The following R3HCC1L variants were observed in gnomAD, a reference collection of about 807,000 sequenced individuals.
R3HCC1L encodes coiled-coil domain-containing protein R3HCC1L.
A neutral mutation model predicts 59.9 loss-of-function variants in R3HCC1L; 51 were observed. The ratio of observed to expected loss-of-function variants is 0.85; its 90% CI spans 0.68 to 1.07. R3HCC1L has a LOEUF of 1.07. Among genes scored for constraint, R3HCC1L ranks in the 50% least tolerant of loss-of-function variants. R3HCC1L has a pLI of 0.00. For missense variants in R3HCC1L, 965 were observed against 933.0 expected, an observed-to-expected ratio of 1.03 and a Z score of -0.45; for synonymous variants, 322 against 315.2, an observed-to-expected ratio of 1.02 and a Z score of -0.23.
chr10:98,146,644 C>T (rs2133941435), intron 1 of R3HCC1L, among the ~76,000 whole-genome samples: 1 of 152,306 alleles, frequency 6.6e-6, no homozygotes, highest in Non-Finnish European at 1.5e-5. Flanking sequence ...GACAGGATAT[C>T]ATTCTTTAAA....
Position 98,209,588 on chromosome 10 carries a change from A to C in R3HCC1L, c.1474A>C (p.Ser492Arg). The change falls in exon 5 of 10, where the codon AGT (serine) becomes CGT (arginine). Residue 492 changes from serine to arginine, a missense_variant. Ser to Arg is a moderately radical substitution (Grantham distance 110, BLOSUM62 -1). Transcript: ENST00000298999. ...NYNTFLDSELSMLNGTKVLSD... is the reference protein window; with the variant it reads ...NYNTFLDSELRMLNGTKVLSD... ...TAACACTTTTTTGGACTCTGAACTCAGTATGTTAAATGGGACAAAAGTTCT... is the reference window on the plus strand; with the variant it reads ...TAACACTTTTTTGGACTCTGAACTCCGTATGTTAAATGGGACAAAAGTTCT... 1 of 1,614,034 alleles carries C rather than the reference A, an allele frequency of 6.2e-7. No homozygotes were observed.
chr10:98,244,347 T>C lies in R3HCC1L; in HGVS notation c.*189T>C, dbSNP rs1857880941. Reference sequence around the variant, plus strand: ...GTCTTCACTCCTAAATGCAGTTCTTTGGAATCACCCTACTGTGGTGGGCGT... The same window carrying C: ...GTCTTCACTCCTAAATGCAGTTCTTCGGAATCACCCTACTGTGGTGGGCGT... On this transcript the variant is annotated 3_prime_UTR_variant, in exon 10 of 10. Transcript: ENST00000298999. 1.9e-6 allele frequency: 1 copy of C among 532,624 alleles called. No homozygotes were observed. Among genetic ancestry groups the C allele is most frequent in the Non-Finnish European group, 3.3e-6 (1 of 299,980 alleles). 33.0% of individuals were successfully genotyped at this position (532,624 alleles called of 1,614,324 possible).
At chr10:98,180,250 T>C (rs1413741651) in intron 4 of R3HCC1L, among the ~76,000 whole-genome samples, 1 of 152,222 alleles carries the variant, frequency 6.6e-6, no homozygotes, top group South Asian at 2.1e-4. Flanking sequence ...GATTCTGGTA[T>C]GTTGTGTTTT....
chr10:98,193,551 C>T (rs4919183), intron 4 of R3HCC1L, among the ~76,000 whole-genome samples: 48,631 of 151,732 alleles, frequency 0.32, 7,969 homozygotes, highest in East Asian at 0.49. Flanking sequence ...TAAACTTAAT[C>T]GAGGGGAGAA....
At chr10:98,194,573 AT>A (rs1361877778) in intron 4 of R3HCC1L, among the ~76,000 whole-genome samples, 1 of 152,198 alleles carries the variant, frequency 6.6e-6, no homozygotes, top group Non-Finnish European at 1.5e-5. Context: ...TTTGTAAACC[AT>A]ATATTAGACT....
intron 4 of R3HCC1L, chr10:98,186,386 C>T (rs1850223794): frequency 3.6e-6 from 2 of 548,046 alleles, no homozygotes. Context: ...AAATAGCATA[C>T]AATTGATCTT....
intron 5 of R3HCC1L, among the ~76,000 whole-genome samples, chr10:98,215,610 A>T (rs1299906728): frequency 6.6e-6 from 1 of 152,180 alleles, no homozygotes; most frequent in Non-Finnish European, 1.5e-5. Context: ...GAATACATAA[A>T]AGAACCAAAA....
chr10:98,160,917 G>A (rs1371286116), intron 2 of R3HCC1L, among the ~76,000 whole-genome samples: 3 of 152,080 alleles, frequency 2.0e-5, no homozygotes, highest in African/African-American at 7.2e-5. Context: ...TACACAAAAG[G>A]TAGCATACTA....
chr10:98,192,430 T>C (rs1250444595), intron 4 of R3HCC1L, among the ~76,000 whole-genome samples: 1 of 151,972 alleles, frequency 6.6e-6, no homozygotes, highest in Non-Finnish European at 1.5e-5. Context: ...AAAAAGAGAA[T>C]AGACTCAACT....
At chr10:98,225,536 G>C (rs1485459565) in intron 5 of R3HCC1L, among the ~76,000 whole-genome samples, 3 of 152,206 alleles carry the variant, frequency 2.0e-5, no homozygotes, top group Non-Finnish European at 4.4e-5. Context: ...TACCCTGGGG[G>C]AAATGAAGTT....
At chr10:98,154,668 C>G (rs1224053453) in intron 1 of R3HCC1L, among the ~76,000 whole-genome samples, 1 of 152,040 alleles carries the variant, frequency 6.6e-6, no homozygotes. Context: ...AGTGCCTGGC[C>G]GTTCAAATAA....
intron 1 of R3HCC1L, among the ~76,000 whole-genome samples, chr10:98,146,907 C>CT (rs1564612401): frequency 6.6e-6 from 1 of 152,122 alleles, no homozygotes; most frequent in East Asian, 1.9e-4. Context: ...GATTTCCTTT[C>CT]TTTTGGATAT....
chr10:98,183,958 G>GTTTTTTTTTTTTTTT (rs71007380), intron 4 of R3HCC1L, among the ~76,000 whole-genome samples: 1 of 126,562 alleles, frequency 7.9e-6, no homozygotes, highest in Non-Finnish European at 1.6e-5. Context: ...TCCTTTTTCG[G>GTTTTTTTTTTTTTTT]TTTTTTTTTT....
chr10:98,208,494 A>G lies in R3HCC1L; in HGVS notation c.380A>G (p.Asn127Ser), dbSNP rs1478740028. The change falls in exon 5 of 10, where the codon AAT (asparagine) becomes AGT (serine). Residue 127 changes from asparagine to serine, a missense_variant. By Grantham distance (46) the Asn-to-Ser change is conservative. Coordinates refer to ENST00000298999, the MANE Select transcript of R3HCC1L (RefSeq NM_001351015.2). ...LSQGQQQGAP[N>S]AGVITNAPLQ... is the part of the protein sequence containing the mutation. ...CAAGGACAACAGCAGGGAGCCCCAA[A>G]TGCTGGGGTTATAACTAATGCACCT... The G allele has an allele frequency of 1.2e-6, 2 of 1,614,182 alleles. No individual in the cohort carries two copies. The highest frequency in any genetic ancestry group is 1.1e-5 in the South Asian group (1 of 91,086).
At chr10:98,205,818 C>G (rs1175219111) in intron 4 of R3HCC1L, among the ~76,000 whole-genome samples, 1 of 152,162 alleles carries the variant, frequency 6.6e-6, no homozygotes, top group Non-Finnish European at 1.5e-5. Flanking sequence ...TTTGATAGGT[C>G]TATTGCAGAT....
chr10:98,149,434 T>C (rs1415938269), intron 1 of R3HCC1L, among the ~76,000 whole-genome samples: 1 of 152,212 alleles, frequency 6.6e-6, no homozygotes, highest in African/African-American at 2.4e-5. Flanking sequence ...TTGAGGCACG[T>C]TATTAGATTA....
chr10:98,243,027 C>G (rs1857713396), intron 9 of R3HCC1L, among the ~76,000 whole-genome samples: 1 of 152,184 alleles, frequency 6.6e-6, no homozygotes. Flanking sequence ...CAAGATGGTG[C>G]CCAAATAGCA....
At chr10:98,213,510 A>G (rs925802533) in intron 5 of R3HCC1L, among the ~76,000 whole-genome samples, 2 of 152,180 alleles carry the variant, frequency 1.3e-5, no homozygotes, top group Admixed American at 1.3e-4. Context: ...AGGAGATTAG[A>G]GGGATAGGAC....
intron 4 of R3HCC1L, among the ~76,000 whole-genome samples, chr10:98,196,155 C>G (rs539923887): frequency 7.6e-4 from 115 of 152,252 alleles, no homozygotes; most frequent in African/African-American, 2.7e-3. Context: ...GTTAGAATTT[C>G]TATTCTCATA....
Sources: allele counts gnomAD v4.1 joint callset (sites outside exome capture counted in the v4.1 genomes callset), GRCh38; gene constraint gnomAD v4.1.1; transcripts MANE v1.5; gene names NCBI Gene and HGNC (gene_info 2026-07-23, HGNC 2026-07-21).